Variants in KDSR observed in about 807,000 individuals in gnomAD.
KDSR encodes 3-ketodihydrosphingosine reductase.
In KDSR, 23 loss-of-function variants were observed where a neutral mutation model predicts 41.3. That is an observed-to-expected ratio of 0.56 (90% CI 0.40 to 0.79). The LOEUF (loss-of-function observed/expected upper bound fraction) is 0.79, where lower values mean the gene tolerates loss of function less well. Ranked by LOEUF, KDSR falls within the 30% of genes least tolerant of loss-of-function variation. The pLI, the probability that KDSR is intolerant of heterozygous loss-of-function variation, is 0.00. For missense variants in KDSR, 351 were observed against 416.8 expected (o/e 0.84, Z 1.37); for synonymous variants, 138 against 151.7 (o/e 0.91, Z 0.66).
In KDSR at chr18:63,330,984, A is replaced by C. The variant is rs1430215182; in HGVS notation, c.*798T>G. Reference sequence around the variant, plus strand: ...TTTACCGCTCTTCAGAAAACATTTAAGGAGGCTGCCTTTCCCCATGAATGA... The same window carrying C: ...TTTACCGCTCTTCAGAAAACATTTACGGAGGCTGCCTTTCCCCATGAATGA... On this transcript the variant is annotated 3_prime_UTR_variant, in exon 10 of 10. Coordinates refer to ENST00000645214, the MANE Select transcript of KDSR (RefSeq NM_002035.4). 4.3e-6 allele frequency: 1 copy of C among 231,654 alleles called. No individual in the cohort carries two copies. The highest frequency in any genetic ancestry group is 8.6e-6 in the Non-Finnish European group (1 of 116,848). The allele number at this position is 231,654 out of a possible 1,614,324, so 14.3% of individuals were successfully genotyped here. A position where few individuals can be genotyped will look rare whatever the true frequency, so the allele number is the denominator to read the frequency against.
Position 63,361,236 on chromosome 18 carries a change from AAG to A in KDSR, c.199-1446_199-1445del, listed in dbSNP as rs1467919928. Among the ~76,000 whole-genome samples, 990 of 137,428 alleles carry A rather than the reference AAG, an allele frequency of 7.2e-3. 154 individuals are homozygous for A. Among genetic ancestry groups the A allele is most frequent in the African/African-American group, 8.9e-3 (326 of 36,448 alleles). 90.2% of individuals were successfully genotyped at this position (137,428 alleles called of 152,430 possible). A position where few individuals can be genotyped will look rare whatever the true frequency, so the allele number is the denominator to read the frequency against. On this transcript the variant is annotated intron_variant, in intron 2 of 9. Coordinates refer to ENST00000645214, the MANE Select transcript of KDSR (RefSeq NM_002035.4). ...AAAAAAAAAAAAAAAAAAAAAAAAA[AAG>A]AATGAATTACTCAACACCACAGGTT...
intron 1 of KDSR, among the ~76,000 whole-genome samples, chr18:63,364,173 C>G (rs1428078500): frequency 6.6e-6 from 1 of 152,174 alleles, no homozygotes; most frequent in African/African-American, 2.4e-5. Context: ...TCAAATACCA[C>G]TTCCTCAGGA....
intron 6 of KDSR, chr18:63,345,759 T>C (rs942418379): frequency 6.6e-6 from 1 of 152,046 alleles, no homozygotes; most frequent in African/African-American, 2.4e-5. Context: ...CTGGCTAACA[T>C]GGTGAAACCC....
chr18:63,335,293 C>T lies in KDSR; in HGVS notation c.843G>A (p.Met281Ile). The T allele has an allele frequency of 1.2e-6, 2 of 1,613,966 alleles. No individual in the cohort carries two copies. The highest frequency in any genetic ancestry group is 1.7e-6 in the Non-Finnish European group (2 of 1,179,882). ...GYMLSALTCGMAPVTSITEGL... is the reference protein window; with the variant it reads ...GYMLSALTCGIAPVTSITEGL... ...CCTCAGTAATAGAAGTTACTGGAGC[C>T]ATCCCACAGGTCAGGGCCGAGAGCA... Residue 281 changes from methionine to isoleucine, a missense_variant, in exon 9 of 10, where the codon ATG (methionine) becomes ATA (isoleucine). By Grantham distance (10) the Met-to-Ile change is conservative. Coordinates refer to ENST00000645214, the MANE Select transcript of KDSR (RefSeq NM_002035.4).
rs1465778879 is a variant in KDSR, at chr18:63,337,242, A to G, written c.777+1558T>C. Among the ~76,000 whole-genome samples the G allele has an allele frequency of 2.0e-5, 3 of 151,376 alleles. No homozygotes were observed. In the East Asian group the frequency reaches 5.8e-4, roughly 29 times the overall value. ...GCGATTCTCCTGTCTCAGCCTCCCA[A>G]GTAGCTGGGATTACAGGCGCATGTC... On this transcript the variant is annotated intron_variant, in intron 8 of 9. Coordinates refer to ENST00000645214, the MANE Select transcript of KDSR (RefSeq NM_002035.4).
intron 3 of KDSR, among the ~76,000 whole-genome samples, chr18:63,357,586 A>ATT (rs1295303190): frequency 0.019 from 1,203 of 64,556 alleles, 22 homozygotes; most frequent in African/African-American, 0.075. Context: ...ATATATATAT[A>ATT]TATATATATT....
At chr18:63,333,301 A>G (rs980712029) in intron 9 of KDSR, among the ~76,000 whole-genome samples, 1 of 152,096 alleles carries the variant, frequency 6.6e-6, no homozygotes, top group African/African-American at 2.4e-5. Context: ...GCCCAGGCTG[A>G]TCTCAAACTC....
In KDSR at chr18:63,367,015, A is replaced by C. The variant is rs1451383346; in HGVS notation, c.104T>G (p.Val35Gly). The C allele has an allele frequency of 2.3e-6, 3 of 1,309,882 alleles. No individual in the cohort carries two copies. The highest frequency in any genetic ancestry group is 1.5e-5 in the African/African-American group (1 of 66,244). 81.1% of individuals were successfully genotyped at this position (1,309,882 alleles called of 1,614,324 possible). Residue 35 changes from valine to glycine, a missense_variant, in exon 1 of 10, where the codon GTG becomes GGG. Physicochemically the swap from Val to Gly is moderately radical, Grantham distance 109 (BLOSUM62 -3). Coordinates refer to ENST00000645214, the MANE Select transcript of KDSR (RefSeq NM_002035.4). ...CAGCAACAGGAGGCCACTCACCACC[A>C]CATGCGCCCCGGGCAGGGCGAGGGG... ...PKPLALPGAHVVVTGGSSGIG... is the reference protein window; with the variant it reads ...PKPLALPGAHGVVTGGSSGIG...
intron 6 of KDSR, among the ~76,000 whole-genome samples, chr18:63,350,178 T>C (rs1259703866): frequency 2.6e-5 from 4 of 152,252 alleles, no homozygotes; most frequent in Non-Finnish European, 5.9e-5. Flanking sequence ...ACGTATGTGA[T>C]GCTCTCTAAG....
intron 3 of KDSR, among the ~76,000 whole-genome samples, chr18:63,358,310 G>A (rs1276712091): frequency 6.6e-6 from 1 of 152,158 alleles, no homozygotes; most frequent in East Asian, 1.9e-4. Context: ...GAGGCTGGGA[G>A]GAAATGGCAA....
intron 1 of KDSR, among the ~76,000 whole-genome samples, 181 bp downstream of exon 1, chr18:63,366,830 A>AGGCCGGGTGCCGG (rs1455559278): frequency 1.3e-5 from 2 of 152,020 alleles, no homozygotes; most frequent in Non-Finnish European, 2.9e-5. Context: ...CGGGTCCGCG[A>AGGCCGGGTGCCGG]GGCCGGGTGC....
At chr18:63,359,583 T>C (rs891223285) in intron 3 of KDSR, 153 bp downstream of exon 3, 5 of 594,770 alleles carry the variant, frequency 8.4e-6, no homozygotes, top group Admixed American at 2.7e-5. Flanking sequence ...TGTGTGATAT[T>C]CTGAGTTACT....
chr18:63,335,505 C>T (rs537637171), intron 8 of KDSR, 147 bp from the exon 9 acceptor site: 63 of 615,616 alleles, frequency 1.0e-4, no homozygotes, highest in African/African-American at 8.3e-4. Context: ...CAGAAATGGA[C>T]GCACGGCCTT....
intron 6 of KDSR, among the ~76,000 whole-genome samples, chr18:63,347,811 A>G (rs1914555433): frequency 6.6e-6 from 1 of 152,174 alleles, no homozygotes; most frequent in South Asian, 2.1e-4. Context: ...AGTAACTTTT[A>G]AAATCTTTAC....
chr18:63,359,247 G>A (rs891386795), intron 3 of KDSR, among the ~76,000 whole-genome samples: 7 of 150,838 alleles, frequency 4.6e-5, no homozygotes, highest in South Asian at 4.2e-4. Context: ...ACCAAAAATC[G>A]GGTTGGCATT....
At position 63,337,755 on chromosome 18, in the gene KDSR, C is replaced by T. The variant is rs767595828; in HGVS notation, c.777+1045G>A. On this transcript the variant is annotated intron_variant, in intron 8 of 9. Coordinates refer to ENST00000645214, the MANE Select transcript of KDSR (RefSeq NM_002035.4). ...CAGCCTGGCCAACATGGTGAAGCCC[C>T]ATTTCTACTACAAATACAAAAAATT... Among the ~76,000 whole-genome samples the T allele has an allele frequency of 8.4e-4, 128 of 152,192 alleles. 1 individual carries two copies. Among genetic ancestry groups the T allele is most frequent in the Non-Finnish European group, 1.6e-3 (106 of 68,014 alleles).
At position 63,348,621 on chromosome 18, in the gene KDSR, G is replaced by A. The variant is rs370148678; in HGVS notation, c.609+2267C>T. Reference sequence around the variant, plus strand: ...GGACAGAAGTCATACAGACTTGAGCGTGCAGGCCGGCTACTCGCAGTATGC... The same window carrying A: ...GGACAGAAGTCATACAGACTTGAGCATGCAGGCCGGCTACTCGCAGTATGC... On this transcript the variant is annotated intron_variant, in intron 6 of 9. Transcript: ENST00000645214. Among the ~76,000 whole-genome samples, 9 of 152,206 alleles carry A rather than the reference G, an allele frequency of 5.9e-5. 2 individuals are homozygous for A. The highest frequency in any genetic ancestry group is 1.9e-4 in the East Asian group (1 of 5,190).
intron 9 of KDSR, among the ~76,000 whole-genome samples, chr18:63,332,805 C>T (rs948090240): frequency 6.4e-4 from 90 of 140,080 alleles, no homozygotes; most frequent in African/African-American, 2.3e-3. Flanking sequence ...GCACTTCAGC[C>T]TGGGTGACAG....
chr18:63,336,239 A>T (rs1396695059), intron 8 of KDSR, among the ~76,000 whole-genome samples: 3 of 152,206 alleles, frequency 2.0e-5, no homozygotes, highest in African/African-American at 7.2e-5. Context: ...CATGTTGGCC[A>T]GGCTGGTCTC....
Sources: gnomAD v4.1 joint callset for allele counts (sites outside exome capture counted in the v4.1 genomes callset) on GRCh38, gnomAD v4.1.1 for gene constraint, MANE v1.5 for transcripts, NCBI Gene and HGNC (gene_info 2026-07-23, HGNC 2026-07-21) for gene names.